Variants in TMX1 observed in about 807,000 individuals in gnomAD.
TMX1 encodes thioredoxin related transmembrane protein 1, also known as thioredoxin-related transmembrane protein 1.
In TMX1, 25 loss-of-function variants were observed where a neutral mutation model predicts 36.6. That is an observed-to-expected ratio of 0.68 (90% CI 0.50 to 0.95). TMX1 has a LOEUF of 0.95. Ranked by LOEUF, TMX1 falls within the 40% of genes least tolerant of loss-of-function variation. The probability of loss-of-function intolerance (pLI) is 0.00; values close to 1 mark genes in which losing one functional copy is unlikely to be tolerated. For missense variants in TMX1, 347 were observed against 339.6 expected (o/e 1.02, Z -0.17); for synonymous variants, 133 against 118.0 (o/e 1.13, Z -0.82).
intron 2 of TMX1, 89 bp from the exon 3 acceptor site, chr14:51,245,224 A>G: frequency 2.8e-6 from 4 of 1,408,298 alleles, no homozygotes; most frequent in Non-Finnish European, 4.0e-6. Context: ...ATTCTTTCCT[A>G]TTAGTATGTA....
intron 7 of TMX1, among the ~76,000 whole-genome samples, chr14:51,251,153 C>T (rs1240928075): frequency 1.3e-5 from 2 of 152,060 alleles, no homozygotes; most frequent in Non-Finnish European, 2.9e-5. Flanking sequence ...GTAGCTATAC[C>T]GATGGTCCCT....
chr14:51,253,694 A>G (rs1202060834), intron 7 of TMX1, among the ~76,000 whole-genome samples: 54 of 152,224 alleles, frequency 3.5e-4, no homozygotes, highest in Admixed American at 3.5e-3. Context: ...ATTGAGATGT[A>G]CACTTAAGAT....
chr14:51,240,488 A>C, intron 1 of TMX1, 44 bp downstream of exon 1: 2 of 1,591,982 alleles, frequency 1.3e-6, no homozygotes, highest in Non-Finnish European at 8.6e-7. Context: ...GCCTGGACAC[A>C]CGACTTCACC....
chr14:51,241,642 G>A (rs1056246280), intron 1 of TMX1, among the ~76,000 whole-genome samples: 3 of 152,098 alleles, frequency 2.0e-5, no homozygotes, highest in Admixed American at 2.0e-4. Context: ...TTGAGCCCAG[G>A]GGTTCAAGAG....
intron 4 of TMX1, among the ~76,000 whole-genome samples, chr14:51,247,738 AG>A (rs1243393799): frequency 3.3e-5 from 5 of 152,222 alleles, no homozygotes; most frequent in African/African-American, 1.2e-4. Context: ...ATTTTATAGA[AG>A]TAAGTTGTAC....
intron 1 of TMX1, 50 bp from the exon 2 acceptor site, chr14:51,243,806 G>T: frequency 1.6e-6 from 2 of 1,286,450 alleles, no homozygotes; most frequent in South Asian, 1.7e-5. Context: ...AAGATAAATG[G>T]TCATACTAAA....
At chr14:51,246,667 A>G (rs997736332) in intron 3 of TMX1, among the ~76,000 whole-genome samples, 2 of 152,252 alleles carry the variant, frequency 1.3e-5, no homozygotes, top group African/African-American at 2.4e-5. Context: ...AGGTGATGCT[A>G]TTATAGCCAA....
intron 1 of TMX1, among the ~76,000 whole-genome samples, chr14:51,241,567 C>T (rs1280024547): frequency 6.6e-6 from 1 of 152,156 alleles, no homozygotes; most frequent in East Asian, 1.9e-4. Context: ...AGAACACCTT[C>T]TTCTTTAAAA....
At chr14:51,250,514 C>T (rs894994174) in intron 7 of TMX1, among the ~76,000 whole-genome samples, 2 of 152,042 alleles carry the variant, frequency 1.3e-5, no homozygotes, top group East Asian at 1.9e-4. Context: ...GTTTTTGAGA[C>T]GGAGTCTCGC....
In TMX1 at chr14:51,240,251, G is replaced by A. The variant is rs1318622569; in HGVS notation, c.-42G>A. The A allele has an allele frequency of 6.3e-7, 1 of 1,599,214 alleles. No homozygotes were observed. The highest frequency in any genetic ancestry group is 1.3e-5 in the African/African-American group (1 of 74,930). ...TGAGCAGCCCGCGAGGGCGGAAGTG[G>A]GAGCTGCGACCGCGCTCCCTGTGAG... On this transcript the variant is annotated 5_prime_UTR_variant, in exon 1 of 8. Transcript: ENST00000457354.
At chr14:51,249,444 T>C (rs374432157) in intron 5 of TMX1, 24 bp from the exon 6 acceptor site, 1 of 316,472 alleles carries the variant, frequency 3.2e-6, no homozygotes, top group Middle Eastern at 6.8e-4. Context: ...AGATTTTTAG[T>C]TTTTTTTTTT....
intron 1 of TMX1, among the ~76,000 whole-genome samples, chr14:51,242,178 C>T (rs1006917284): frequency 3.3e-5 from 5 of 152,086 alleles, no homozygotes; most frequent in Admixed American, 2.0e-4. Flanking sequence ...GGGAAATTTT[C>T]ATAGTATGCA....
chr14:51,255,799 A>G lies in TMX1; in HGVS notation c.*1280A>G, dbSNP rs1400949641. 1 of 152,168 alleles carries G rather than the reference A, an allele frequency of 6.6e-6. No homozygotes were observed. Among genetic ancestry groups the G allele is most frequent in the African/African-American group, 2.4e-5 (1 of 41,442 alleles). The allele number at this position is 152,168 out of a possible 1,614,324, so 9.4% of individuals were successfully genotyped here. A position where few individuals can be genotyped will look rare whatever the true frequency, so the allele number is the denominator to read the frequency against. On this transcript the variant is annotated 3_prime_UTR_variant, in exon 8 of 8. Coordinates refer to ENST00000457354, the MANE Select transcript of TMX1 (RefSeq NM_030755.5). ...TTTTCACCTTAAAAGAAGGGGGAAA[A>G]TCATAAATACAATGAATCAACTGAC...
At position 51,256,957 on chromosome 14, in the gene TMX1, T is replaced by C. The variant is rs1343667835; in HGVS notation, c.*2438T>C. 7.2e-6 allele frequency: 1 copy of C among 138,778 alleles called. No homozygotes were observed. The highest frequency in any genetic ancestry group is 1.6e-5 in the Non-Finnish European group (1 of 64,400). The allele number at this position is 138,778 out of a possible 1,614,324, so 8.6% of individuals were successfully genotyped here. The stretch of plus-strand genomic sequence containing the variant: ...AATTCAGCAATCTCTTATTTTGGTC[T>C]TTTTTTTTTTTTTGAGACAGAGTTT... On this transcript the variant is annotated 3_prime_UTR_variant, in exon 8 of 8. Coordinates refer to ENST00000457354, the MANE Select transcript of TMX1 (RefSeq NM_030755.5).
intron 1 of TMX1, among the ~76,000 whole-genome samples, 176 bp downstream of exon 1, chr14:51,240,620 C>T (rs539331325): frequency 3.3e-5 from 5 of 152,184 alleles, no homozygotes; most frequent in African/African-American, 4.8e-5. Flanking sequence ...TGGTCCCACC[C>T]CCTCGTCTCT....
chr14:51,256,710 A>G lies in TMX1; in HGVS notation c.*2191A>G, dbSNP rs143988964. On this transcript the variant is annotated 3_prime_UTR_variant, in exon 8 of 8. Transcript: ENST00000457354. Reference sequence around the variant, plus strand: ...TTAATGAAGAATTCTGGCTACATCTAACAGCTGCCATTTACCAAGTACCTA... The same window carrying G: ...TTAATGAAGAATTCTGGCTACATCTGACAGCTGCCATTTACCAAGTACCTA... 2.0e-5 allele frequency: 3 copies of G among 152,322 alleles called. No homozygotes were observed. Among genetic ancestry groups the G allele is most frequent in the East Asian group, 1.9e-4 (1 of 5,188 alleles). The allele number at this position is 152,322 out of a possible 1,614,324, so 9.4% of individuals were successfully genotyped here. A position where few individuals can be genotyped will look rare whatever the true frequency, so the allele number is the denominator to read the frequency against.
rs978362816 is a variant in TMX1, at chr14:51,255,645, A to G, written c.*1126A>G. On this transcript the variant is annotated 3_prime_UTR_variant, in exon 8 of 8. Coordinates refer to ENST00000457354, the MANE Select transcript of TMX1 (RefSeq NM_030755.5). Reference sequence around the variant, plus strand: ...AAATAATAACATTTTTATATTTTTTAAAAGACAAACTTCATATTATCCTGT... The same window carrying G: ...AAATAATAACATTTTTATATTTTTTGAAAGACAAACTTCATATTATCCTGT... 2.0e-5 allele frequency: 3 copies of G among 152,068 alleles called. No homozygotes were observed. Among genetic ancestry groups the G allele is most frequent in the African/African-American group, 7.2e-5 (3 of 41,460 alleles). 9.4% of individuals were successfully genotyped at this position (152,068 alleles called of 1,614,324 possible).
rs2065800518 is a variant in TMX1 at position 51,249,316 on chromosome 14, T to C, written c.444-10T>C. 1.3e-6 allele frequency: 2 copies of C among 1,597,174 alleles called. No individual in the cohort carries two copies. The highest frequency in any genetic ancestry group is 1.7e-6 in the Non-Finnish European group (2 of 1,174,174). On this transcript the variant is annotated splice_polypyrimidine_tract_variant and intron_variant, in intron 4 of 7. Transcript: ENST00000457354. ...TTACTCAGTTTTTTAATCATCTCTT[T>C]TATTTTTAGGATGAGTAGTATGTCA...
chr14:51,245,276 G>A (rs1390725004), intron 2 of TMX1, 37 bp from the exon 3 acceptor site: 2 of 1,612,400 alleles, frequency 1.2e-6, no homozygotes, highest in Admixed American at 1.7e-5. Context: ...TCAGTGATTG[G>A]CCTATGTAAA....
Sources: allele counts gnomAD v4.1 joint callset (sites outside exome capture counted in the v4.1 genomes callset), GRCh38; gene constraint gnomAD v4.1.1; transcripts MANE v1.5; gene names NCBI Gene and HGNC (gene_info 2026-07-23, HGNC 2026-07-21).